The following XPO7 variants were observed in gnomAD, a reference collection of about 807,000 sequenced individuals.
The protein encoded by XPO7 is exportin-7.
XPO7 carries 21 observed loss-of-function variants against 144.3 expected under a neutral mutation model. The observed-to-expected ratio is 0.15, with a 90% CI of 0.10 to 0.21. The LOEUF is 0.21. XPO7 is among the 10% of genes least tolerant of loss of function. The pLI is 1.00. For synonymous variants in XPO7, 580 were observed against 499.6 expected (o/e 1.16, Z -2.15); for missense variants, 808 against 1,325.8 (o/e 0.61, Z 6.06).
Position 21,969,533 on chromosome 8 carries a change from A to C in XPO7, c.216A>C (p.Ser72=). 6.2e-7 allele frequency: 1 copy of C among 1,613,814 alleles called. No homozygotes were observed. The highest frequency in any genetic ancestry group is 8.5e-7 in the Non-Finnish European group (1 of 1,179,814). ...LAATCLTKLV[S]RTNNPLPLEQ... ...CTACATGCCTTACCAAGCTTGTATC[A>C]CGCACAAACAACCCCCTACCATTGG... The change falls in exon 3 of 28, where the codon TCA becomes TCC. Residue 72 remains serine (S), a synonymous_variant. Coordinates refer to ENST00000252512, the MANE Select transcript of XPO7 (RefSeq NM_015024.5).
At chr8:21,990,667 T>TAA in intron 17 of XPO7, 144 bp from the exon 18 acceptor site, 1 of 826,794 alleles carries the variant, frequency 1.2e-6, no homozygotes, top group Non-Finnish European at 1.9e-6. Context: ...TAGCCTGCCT[T>TAA]CAAAAAAAAA....
chr8:21,953,323 T>C (rs1438077481), intron 1 of XPO7, among the ~76,000 whole-genome samples: 1 of 152,182 alleles, frequency 6.6e-6, no homozygotes, highest in Non-Finnish European at 1.5e-5. Flanking sequence ...CTGCTGTCTC[T>C]ATTGTTTTGC....
At chr8:21,922,087 G>T (rs911004453) in intron 1 of XPO7, among the ~76,000 whole-genome samples, 4 of 152,188 alleles carry the variant, frequency 2.6e-5, no homozygotes, top group Non-Finnish European at 5.9e-5. Flanking sequence ...GTTTATAAAG[G>T]TGTCTGCTAC....
intron 25 of XPO7, 25 bp from the exon 26 acceptor site, chr8:22,003,194 C>G: frequency 6.3e-7 from 1 of 1,586,000 alleles, no homozygotes; most frequent in African/African-American, 1.3e-5. Context: ...AGGTCACTGC[C>G]TGAAATTCTC....
intron 5 of XPO7, among the ~76,000 whole-genome samples, chr8:21,972,226 G>T (rs866091718): frequency 6.6e-6 from 1 of 150,698 alleles, no homozygotes; most frequent in East Asian, 1.9e-4. Flanking sequence ...AAAAGCGATC[G>T]CAGCACTTTG....
chr8:21,977,956 A>T (rs2117348341), intron 8 of XPO7, 113 bp downstream of exon 8: 1 of 839,370 alleles, frequency 1.2e-6, no homozygotes, highest in Non-Finnish European at 1.8e-6. Flanking sequence ...GCATAGAAAT[A>T]CTAGGCTAGT....
intron 1 of XPO7, among the ~76,000 whole-genome samples, chr8:21,953,156 T>G (rs1216379356): frequency 2.6e-5 from 4 of 152,102 alleles, no homozygotes; most frequent in African/African-American, 9.7e-5. Context: ...TTTTGACAAT[T>G]TACAGTGACA....
At chr8:21,938,281 G>A (rs1195281045) in intron 1 of XPO7, among the ~76,000 whole-genome samples, 1 of 151,890 alleles carries the variant, frequency 6.6e-6, no homozygotes, top group African/African-American at 2.4e-5. Context: ...TTATATTTTT[G>A]TTAACATTTA....
At chr8:21,927,939 T>C (rs1007673032) in intron 1 of XPO7, among the ~76,000 whole-genome samples, 9 of 152,352 alleles carry the variant, frequency 5.9e-5, no homozygotes, top group African/African-American at 1.9e-4. Context: ...ATTACTGTTG[T>C]GTAAATCTGT....
At chr8:21,955,681 A>T (rs1811512135) in intron 1 of XPO7, among the ~76,000 whole-genome samples, 1 of 147,736 alleles carries the variant, frequency 6.8e-6, no homozygotes, top group Admixed American at 6.8e-5. Context: ...GTTTCATAGG[A>T]TCAGCATGGC....
At chr8:21,965,648 T>A (rs1811858751) in intron 1 of XPO7, among the ~76,000 whole-genome samples, 1 of 152,220 alleles carries the variant, frequency 6.6e-6, no homozygotes, top group Admixed American at 6.5e-5. Flanking sequence ...CGTTCTTGTT[T>A]CCTTTCAGTT....
In XPO7 at chr8:21,935,047, G is replaced by A. The variant is rs188970436; in HGVS notation, c.18+15259G>A. On this transcript the variant is annotated intron_variant, in intron 1 of 27. Coordinates refer to ENST00000252512, the MANE Select transcript of XPO7 (RefSeq NM_015024.5). ...ATAAGAAATGATAAACTAAAGTAAG[G>A]ACATTTGCATTGTATGTAGGCATTA... Among the ~76,000 whole-genome samples, 13 of 152,294 alleles carry A rather than the reference G, an allele frequency of 8.5e-5. 1 individual carries two copies. The East Asian group carries it at 2.1e-3, about 25-fold the overall frequency.
chr8:21,955,630 G>A (rs563307769), intron 1 of XPO7, among the ~76,000 whole-genome samples: 8 of 151,276 alleles, frequency 5.3e-5, no homozygotes, highest in Non-Finnish European at 7.4e-5. Context: ...GCCCTTTGCC[G>A]TCCTTCCAGG....
intron 16 of XPO7, 135 bp downstream of exon 16, chr8:21,989,218 C>A: frequency 5.1e-5 from 41 of 799,954 alleles, no homozygotes; most frequent in East Asian, 5.6e-5. Context: ...CCTAGGAGTC[C>A]AAAAAAACGC....
At chr8:22,004,906 A>C in intron 27 of XPO7, 89 bp from the exon 28 acceptor site, 3 of 702,556 alleles carry the variant, frequency 4.3e-6, no homozygotes, top group African/African-American at 2.0e-5. Context: ...CATACATTCT[A>C]CTTCCCATGC....
At chr8:21,941,936 G>T (rs989688046) in intron 1 of XPO7, among the ~76,000 whole-genome samples, 4 of 152,060 alleles carry the variant, frequency 2.6e-5, no homozygotes, top group Non-Finnish European at 5.9e-5. Flanking sequence ...TAAATAAACT[G>T]TGATGTCTAA....
chr8:21,990,497 C>A, intron 17 of XPO7, 90 bp downstream of exon 17: 2 of 1,425,012 alleles, frequency 1.4e-6, no homozygotes, highest in Non-Finnish European at 9.8e-7. Context: ...ACTGAGGTCC[C>A]GGGTATTGCT....
At chr8:21,925,509 C>T (rs1034055803) in intron 1 of XPO7, among the ~76,000 whole-genome samples, 3 of 152,094 alleles carry the variant, frequency 2.0e-5, no homozygotes, top group Admixed American at 6.5e-5. Flanking sequence ...CTGGAGAACT[C>T]GCTGTTGGAA....
intron 1 of XPO7, among the ~76,000 whole-genome samples, chr8:21,965,514 G>A (rs13269198): frequency 0.36 from 54,789 of 151,986 alleles, 10,413 homozygotes; most frequent in Non-Finnish European, 0.43. Flanking sequence ...TTAAACATAA[G>A]CCTAATCAAA....
Sources: allele counts gnomAD v4.1 joint callset (sites outside exome capture counted in the v4.1 genomes callset), GRCh38; gene constraint gnomAD v4.1.1; transcripts MANE v1.5; gene names NCBI Gene and HGNC (gene_info 2026-07-23, HGNC 2026-07-21).